Variants in PGS1 observed in about 807,000 individuals in gnomAD.
PGS1 encodes phosphatidylglycerophosphate synthase 1.
Under a neutral mutation model 58.3 loss-of-function variants are expected in PGS1, and 44 were observed. The observed-to-expected ratio is 0.75, with a 90% confidence interval of 0.59 to 0.97. The LOEUF is 0.97. PGS1 is among the 50% of genes least tolerant of loss of function. PGS1 has a pLI of 0.00. For synonymous variants in PGS1, 330 were observed against 311.0 expected, an observed-to-expected ratio of 1.06 and a Z score of -0.64; for missense variants, 684 against 731.1, an observed-to-expected ratio of 0.94 and a Z score of 0.74.
intron 8 of PGS1, among the ~76,000 whole-genome samples, chr17:78,418,954 C>T (rs566200076): frequency 5.9e-4 from 90 of 152,122 alleles, no homozygotes; most frequent in African/African-American, 2.1e-3. Context: ...AGTTATATTT[C>T]TTCAACTCTA....
intron 1 of PGS1, among the ~76,000 whole-genome samples, chr17:78,379,371 C>A (rs576019275): frequency 1.3e-5 from 2 of 152,258 alleles, no homozygotes; most frequent in Non-Finnish European, 2.9e-5. Context: ...ACTCGAAACA[C>A]TTTTTACACA....
intron 9 of PGS1, among the ~76,000 whole-genome samples, chr17:78,422,808 G>A (rs1313709000): frequency 1.3e-5 from 2 of 151,458 alleles, no homozygotes; most frequent in Admixed American, 6.8e-5. Context: ...CCTGAGAAAT[G>A]TTGAGGGCCG....
Position 78,398,352 on chromosome 17 carries a change from G to T in PGS1, c.511+1G>T. 1 of 1,608,890 alleles carries T rather than the reference G, an allele frequency of 6.2e-7. No individual in the cohort carries two copies. The highest frequency in any genetic ancestry group is 8.5e-7 in the Non-Finnish European group (1 of 1,175,364). Reference sequence around the variant, plus strand: ...TTAGACTTCACGCGGGGCTCACGAGGTAGGTGGCATGCAAGCCTGGCCCCT... The same window carrying T: ...TTAGACTTCACGCGGGGCTCACGAGTTAGGTGGCATGCAAGCCTGGCCCCT... On this transcript the variant is annotated splice_donor_variant, in intron 4 of 9. Transcript: ENST00000262764. LOFTEE classifies it high-confidence loss of function.
rs373874712 is a variant in PGS1 at position 78,414,869 on chromosome 17, T to C, written c.1403-10T>C. 1.3e-5 allele frequency: 21 copies of C among 1,613,566 alleles called. No individual in the cohort carries two copies. The highest frequency in any genetic ancestry group is 1.7e-5 in the Non-Finnish European group (20 of 1,179,660). ...TCATTTCCTGTCTGCACGTTTCCTT[T>C]TCCCCGCAGGCCTCTGGCTGTACCT... is the stretch of plus-strand genomic sequence containing the variant. On this transcript the variant is annotated splice_polypyrimidine_tract_variant and intron_variant, in intron 7 of 9. Coordinates refer to ENST00000262764, the MANE Select transcript of PGS1 (RefSeq NM_024419.5).
In PGS1 at chr17:78,378,685, C is replaced by G. The variant is rs767020264; in HGVS notation, c.20C>G (p.Ala7Gly). 3 of 1,527,290 alleles carry G rather than the reference C, an allele frequency of 2.0e-6. No homozygotes were observed. Among genetic ancestry groups the G allele is most frequent in the South Asian group, 1.2e-5 (1 of 82,652 alleles). The allele number at this position is 1,527,290 out of a possible 1,614,324, so 94.6% of individuals were successfully genotyped here. A position where few individuals can be genotyped will look rare whatever the true frequency, so the allele number is the denominator to read the frequency against. The change falls in exon 1 of 10, where the codon GCT becomes GGT. Residue 7 changes from alanine (A) to glycine (G), a missense_variant. Ala to Gly is a moderately conservative substitution (Grantham distance 60). Coordinates refer to ENST00000262764, the MANE Select transcript of PGS1 (RefSeq NM_024419.5). ...GTCTCCATGGCGGTGGCGGCGGCAG[C>G]TGCGGCGGGACCCGTGTTCTGGAGG... MAVAAA[A>G]AAGPVFWRRL... is the part of the protein sequence containing the mutation.
At chr17:78,387,982 C>T (rs1432310981) in intron 1 of PGS1, among the ~76,000 whole-genome samples, 2 of 152,210 alleles carry the variant, frequency 1.3e-5, no homozygotes, top group Non-Finnish European at 2.9e-5. Flanking sequence ...AAACACTCAG[C>T]TCCTTTTTTA....
chr17:78,404,105 C>G lies in PGS1; in HGVS notation c.1402+16C>G. 2 of 1,504,736 alleles carry G rather than the reference C, an allele frequency of 1.3e-6. No individual in the cohort carries two copies. Among genetic ancestry groups the G allele is most frequent in the African/African-American group, 1.4e-5 (1 of 72,668 alleles). 93.2% of individuals were successfully genotyped at this position (1,504,736 alleles called of 1,614,324 possible). A position where few individuals can be genotyped will look rare whatever the true frequency, so the allele number is the denominator to read the frequency against. ...CACGCCAAAGGTGCGCAGCGGCTGG[C>G]TGGAGGACGTTCCAGTGTGGGACAG... On this transcript the variant is annotated intron_variant, in intron 7 of 9. Transcript: ENST00000262764.
rs551968319 is a variant in PGS1 at position 78,400,798 on chromosome 17, C to T, written c.823C>T (p.Gln275Ter). The change falls in exon 6 of 10, where the codon CAG becomes TAG. Residue 275 changes from glutamine (Q) to a stop codon, truncating the protein, a stop_gained. Coordinates refer to ENST00000262764, the MANE Select transcript of PGS1 (RefSeq NM_024419.5). LOFTEE classifies it high-confidence loss of function. This position sits in a 1 kb window ranked among gnomAD's most constrained non-coding sequence, Gnocchi z 4.4. ...LVDAVGDVSL[Q>*]LQGDDTVQVV... Reference sequence around the variant, plus strand: ...GGACGCGGTGGGGGATGTGTCCCTGCAGCTGCAGGGGGACGACACGGTGCA... The same window carrying T: ...GGACGCGGTGGGGGATGTGTCCCTGTAGCTGCAGGGGGACGACACGGTGCA... 1 of 1,613,730 alleles carries T rather than the reference C, an allele frequency of 6.2e-7. No homozygotes were observed. The highest frequency in any genetic ancestry group is 1.1e-5 in the South Asian group (1 of 91,048).
At position 78,424,090 on chromosome 17, in the gene PGS1, G is replaced by A. The variant is rs1271890755; in HGVS notation, c.*40G>A. On this transcript the variant is annotated 3_prime_UTR_variant, in exon 10 of 10. Transcript: ENST00000262764. ...GGCCTTGATGAAGATGACAGGCATG[G>A]CCGGGGTCAGCTCTTTCAGCCGCGC... 6.2e-7 allele frequency: 1 copy of A among 1,613,946 alleles called. No homozygotes were observed. Among genetic ancestry groups the A allele is most frequent in the South Asian group, 1.1e-5 (1 of 91,088 alleles).
rs984728174 is a variant in PGS1, at chr17:78,424,082, C to T, written c.*32C>T. ...ACAGGAATGGCCTTGATGAAGATGA[C>T]AGGCATGGCCGGGGTCAGCTCTTTC... On this transcript the variant is annotated 3_prime_UTR_variant, in exon 10 of 10. Coordinates refer to ENST00000262764, the MANE Select transcript of PGS1 (RefSeq NM_024419.5). 1.2e-6 allele frequency: 2 copies of T among 1,613,884 alleles called. No individual in the cohort carries two copies. Among genetic ancestry groups the T allele is most frequent in the Non-Finnish European group, 1.7e-6 (2 of 1,179,896 alleles).
intron 5 of PGS1, chr17:78,399,805 C>G (rs1043674633): frequency 1.9e-6 from 1 of 518,178 alleles, no homozygotes; most frequent in African/African-American, 1.9e-5. Context: ...CAGTGACCCT[C>G]TGTAGTATTT....
intron 6 of PGS1, among the ~76,000 whole-genome samples, chr17:78,402,009 T>C (rs1303037994): frequency 1.3e-5 from 2 of 151,156 alleles, no homozygotes; most frequent in Non-Finnish European, 2.9e-5. Context: ...AGCCCAGCTG[T>C]GCTTGGGAGA....
intron 2 of PGS1, among the ~76,000 whole-genome samples, chr17:78,393,993 C>G (rs748214139): frequency 9.9e-5 from 15 of 151,612 alleles, no homozygotes; most frequent in Non-Finnish European, 1.9e-4. Context: ...AGAACAGCCT[C>G]GTCAACGTGG....
At chr17:78,389,548 T>C (rs2082663443) in intron 1 of PGS1, among the ~76,000 whole-genome samples, 1 of 151,914 alleles carries the variant, frequency 6.6e-6, no homozygotes, top group African/African-American at 2.4e-5. Context: ...CTTGGACTCC[T>C]GACCTCAGGT....
chr17:78,404,071 T>G lies in PGS1; in HGVS notation c.1384T>G (p.Trp462Gly). The change falls in exon 7 of 10, where the codon TGG (tryptophan) becomes GGG (glycine). Residue 462 changes from tryptophan to glycine, a missense_variant. By Grantham distance (184) the Trp-to-Gly change is radical. Transcript: ENST00000262764. ...GCTTCAGGAGTACTGGCGGAGGGGC[T>G]GGACGTTCCACGCCAAAGGTGCGCA... ...VQLQEYWRRG[W>G]TFHAKGLWLY... The G allele has an allele frequency of 6.3e-7, 1 of 1,583,680 alleles. No individual in the cohort carries two copies. Among genetic ancestry groups the G allele is most frequent in the East Asian group, 2.3e-5 (1 of 43,998 alleles).
At position 78,414,898 on chromosome 17, in the gene PGS1, A is replaced by G; in HGVS notation, c.1422A>G (p.Ala474=). ...CCGCAGGCCTCTGGCTGTACCTGGC[A>G]GGGAGCAGCCTGCCCTGTCTCACGC... is the stretch of plus-strand genomic sequence containing the variant. ...FHAKGLWLYL[A]GSSLPCLTLI... is the part of the protein sequence containing the mutation. The change falls in exon 8 of 10, where the codon GCA becomes GCG. Residue 474 remains alanine (A), a synonymous_variant. Coordinates refer to ENST00000262764, the MANE Select transcript of PGS1 (RefSeq NM_024419.5). 1 of 1,614,128 alleles carries G rather than the reference A, an allele frequency of 6.2e-7. No homozygotes were observed. The highest frequency in any genetic ancestry group is 1.1e-5 in the South Asian group (1 of 91,086).
intron 3 of PGS1, 36 bp downstream of exon 3, chr17:78,396,421 G>C (rs975270668): frequency 2.1e-6 from 3 of 1,446,396 alleles, no homozygotes; most frequent in African/African-American, 1.4e-5. Context: ...GGCAGCAATA[G>C]TGAATGGGCC....
intron 7 of PGS1, among the ~76,000 whole-genome samples, chr17:78,406,389 C>T (rs1185519545): frequency 6.6e-6 from 1 of 152,214 alleles, no homozygotes; most frequent in Non-Finnish European, 1.5e-5. Context: ...ATTGAACCCA[C>T]CATGGTGTTT....
chr17:78,378,853 G>GCCCGGCCCCCCGGCGCTCAAACT (rs1008610968), intron 1 of PGS1, 45 bp downstream of exon 1: 3 of 1,357,762 alleles, frequency 2.2e-6, no homozygotes, highest in South Asian at 3.4e-5. Context: ...CGCGGCTGCA[G>GCCCGGCCCCCCGGCGCTCAAACT]CCCGGCCCCC....
Sources: gnomAD v4.1 joint callset for allele counts (sites outside exome capture counted in the v4.1 genomes callset) on GRCh38, gnomAD v4.1.1 for gene constraint, Gnocchi (gnomAD v3.1) non-coding constraint, MANE v1.5 for transcripts, NCBI Gene and HGNC (gene_info 2026-07-23, HGNC 2026-07-21) for gene names.